The following CSNK1D variants were observed in gnomAD, a reference collection of about 807,000 sequenced individuals.
CSNK1D encodes the protein casein kinase 1 delta.
CSNK1D carries 16 observed loss-of-function variants against 46.6 expected under a neutral mutation model. The ratio of observed to expected loss-of-function variants is 0.34; its 90% confidence interval spans 0.23 to 0.52. CSNK1D has a LOEUF of 0.52. CSNK1D is among the 20% of genes least tolerant of loss of function. The pLI is 0.95. For synonymous variants in CSNK1D, 276 were observed against 228.2 expected (o/e 1.21, Z -1.89); for missense variants, 398 against 578.4 (o/e 0.69, Z 3.20).
chr17:82,268,175 G>A (rs963645004), intron 1 of CSNK1D, among the ~76,000 whole-genome samples: 3 of 152,242 alleles, frequency 2.0e-5, no homozygotes, highest in Non-Finnish European at 2.9e-5. Flanking sequence ...ACTCTCTGGG[G>A]CCTGCAGCAG....
chr17:82,241,799 AG>A (rs1348453661), downstream of CSNK1D, among the ~76,000 whole-genome samples: 1 of 152,180 alleles, frequency 6.6e-6, no homozygotes, highest in African/African-American at 2.4e-5. Flanking sequence ...GAGGAGGCAA[AG>A]TCTGGGCAGG....
rs1376071658 is a variant in CSNK1D at position 82,252,078 on chromosome 17, C to T, written c.736+356G>A. On this transcript the variant is annotated intron_variant, in intron 5 of 8. Coordinates refer to ENST00000314028, the MANE Select transcript of CSNK1D (RefSeq NM_001893.6). This position sits in a 1 kb window ranked among gnomAD's most constrained non-coding sequence, Gnocchi z 4.6. ...GCAATCCTACAAATGCAAAGGAAAT[C>T]TCCCGAGCTCCTGGAGGGGGCCAGA... Among the ~76,000 whole-genome samples the T allele has an allele frequency of 6.6e-6, 1 of 152,188 alleles. No individual in the cohort carries two copies. The highest frequency in any genetic ancestry group is 1.5e-5 in the Non-Finnish European group (1 of 68,020).
rs2050787001 is a variant in CSNK1D, at chr17:82,243,951, C to T, written c.*830G>A. 3 of 985,870 alleles carry T rather than the reference C, an allele frequency of 3.0e-6. No individual in the cohort carries two copies. The highest frequency in any genetic ancestry group is 4.7e-5 in the South Asian group (1 of 21,336). The allele number at this position is 985,870 out of a possible 1,614,324, so 61.1% of individuals were successfully genotyped here. On this transcript the variant is annotated 3_prime_UTR_variant, in exon 9 of 9. Transcript: ENST00000314028. ...GCTTCCAAGCTCTCAGCTGCCTGCC[C>T]ACCTCCTGGGGAAGAAGCGCGCAGT...
rs2051702532 is a variant in CSNK1D, at chr17:82,273,637, A to T, written c.-256T>A. The T allele has an allele frequency of 1.8e-6, 1 of 547,864 alleles. No homozygotes were observed. Among genetic ancestry groups the T allele is most frequent in the Non-Finnish European group, 3.2e-6 (1 of 312,924 alleles). 33.9% of individuals were successfully genotyped at this position (547,864 alleles called of 1,614,324 possible). ...CTTGCCCTCTCCCCGCCGCGGATGG[A>T]CTCGGATCTTCCGGGCCTAAATCCC... On this transcript the variant is annotated 5_prime_UTR_variant, in exon 1 of 9. Transcript: ENST00000314028. The surrounding 1 kb of genome is among the most constrained non-coding windows in gnomAD (Gnocchi z 5.1).
At chr17:82,272,859 G>A (rs1196369732) in intron 1 of CSNK1D, among the ~76,000 whole-genome samples, 2 of 151,938 alleles carry the variant, frequency 1.3e-5, no homozygotes, top group Non-Finnish European at 2.9e-5. Flanking sequence ...GCCGACGCCC[G>A]CTTCGCGGCC....
Position 82,248,475 on chromosome 17 carries a change from A to G in CSNK1D, c.1197+400T>C. 9.2e-7 allele frequency: 1 copy of G among 1,083,134 alleles called. No homozygotes were observed. The highest frequency in any genetic ancestry group is 2.5e-5 in the South Asian group (1 of 39,362). 67.1% of individuals were successfully genotyped at this position (1,083,134 alleles called of 1,614,324 possible). A position where few individuals can be genotyped will look rare whatever the true frequency, so the allele number is the denominator to read the frequency against. On this transcript the variant is annotated intron_variant, in intron 8 of 8. Transcript: ENST00000314028. This position sits in a 1 kb window ranked among gnomAD's most constrained non-coding sequence, Gnocchi z 4.1. ...TCCCTACGGGCCTCCATCCCTGGCC[A>G]GTGGCAAGAATGAGGAAGAATGAGG...
Position 82,250,470 on chromosome 17 carries a change from A to G in CSNK1D, c.886-868T>C, listed in dbSNP as rs1363331426. On this transcript the variant is annotated intron_variant, in intron 6 of 8. Transcript: ENST00000314028. This position sits in a 1 kb window ranked among gnomAD's most constrained non-coding sequence, Gnocchi z 4.6. ...GCTCTGATTCCTCCCGAGGCAGCAC[A>G]GCCCCGGCAGAGGGACTGATCTGCC... 27 of 322,216 alleles carry G rather than the reference A, an allele frequency of 8.4e-5. No homozygotes were observed. In the East Asian group the frequency reaches 2.4e-3, roughly 28 times the overall value. 20.0% of individuals were successfully genotyped at this position (322,216 alleles called of 1,614,324 possible). A position where few individuals can be genotyped will look rare whatever the true frequency, so the allele number is the denominator to read the frequency against.
Position 82,249,070 on chromosome 17 carries a change from G to A in CSNK1D, c.1058-56C>T. The A allele has an allele frequency of 2.0e-6, 3 of 1,537,086 alleles. No individual in the cohort carries two copies. The highest frequency in any genetic ancestry group is 2.6e-6 in the Non-Finnish European group (3 of 1,139,012). Reference sequence around the variant, plus strand: ...GCCCCCGTCTGCTGCCTCTCACTCGGGGCTTTCTATGAGAGGCTGTGGCCA... The same window carrying A: ...GCCCCCGTCTGCTGCCTCTCACTCGAGGCTTTCTATGAGAGGCTGTGGCCA... On this transcript the variant is annotated intron_variant, in intron 7 of 8. Coordinates refer to ENST00000314028, the MANE Select transcript of CSNK1D (RefSeq NM_001893.6). This position sits in a 1 kb window ranked among gnomAD's most constrained non-coding sequence, Gnocchi z 6.7.
chr17:82,264,181 G>A (rs926795134), intron 2 of CSNK1D, among the ~76,000 whole-genome samples: 1 of 152,222 alleles, frequency 6.6e-6, no homozygotes, highest in African/African-American at 2.4e-5. Flanking sequence ...CCCTGAACAG[G>A]TTTTCCTTTG....
Position 82,248,802 on chromosome 17 carries a change from G to A in CSNK1D, c.1197+73C>T, listed in dbSNP as rs1453670053. 1.3e-6 allele frequency: 2 copies of A among 1,558,704 alleles called. No homozygotes were observed. Among genetic ancestry groups the A allele is most frequent in the East Asian group, 2.4e-5 (1 of 42,012 alleles). ...AAGAAAGGAAAGAAGAAGCCCTGGA[G>A]AAACCACAGCCCGCTCTTGACTCGG... On this transcript the variant is annotated intron_variant, in intron 8 of 8. Coordinates refer to ENST00000314028, the MANE Select transcript of CSNK1D (RefSeq NM_001893.6). This position sits in a 1 kb window ranked among gnomAD's most constrained non-coding sequence, Gnocchi z 4.1.
At chr17:82,256,554 A>T (rs2051180123) in intron 2 of CSNK1D, among the ~76,000 whole-genome samples, 1 of 152,010 alleles carries the variant, frequency 6.6e-6, no homozygotes, top group African/African-American at 2.4e-5. Context: ...TGGGTGAAAG[A>T]CCTGGACACT....
chr17:82,248,106 C>A lies in CSNK1D; in HGVS notation c.1197+769G>T. 1.0e-6 allele frequency: 1 copy of A among 985,502 alleles called. No homozygotes were observed. The highest frequency in any genetic ancestry group is 1.2e-6 in the Non-Finnish European group (1 of 829,980). 61.0% of individuals were successfully genotyped at this position (985,502 alleles called of 1,614,324 possible). On this transcript the variant is annotated intron_variant, in intron 8 of 8. Coordinates refer to ENST00000314028, the MANE Select transcript of CSNK1D (RefSeq NM_001893.6). The surrounding 1 kb of genome is among the most constrained non-coding windows in gnomAD (Gnocchi z 4.1). ...CTCATCCGGAAGACCCGTGGGGGAT[C>A]TGGGCACCCCCCAGGATGCCTGCTG... is the stretch of plus-strand genomic sequence containing the variant.
At chr17:82,246,594 G>C (rs1339680135) in intron 8 of CSNK1D, 3 of 1,024,592 alleles carry the variant, frequency 2.9e-6, no homozygotes, top group Non-Finnish European at 3.5e-6. Context: ...CCCGAAAAGA[G>C]AGGGGGCGAA....
rs898066510 is a variant in CSNK1D at position 82,250,406 on chromosome 17, G to A, written c.886-804C>T. On this transcript the variant is annotated intron_variant, in intron 6 of 8. Coordinates refer to ENST00000314028, the MANE Select transcript of CSNK1D (RefSeq NM_001893.6). This position sits in a 1 kb window ranked among gnomAD's most constrained non-coding sequence, Gnocchi z 4.6. ...TTTACGGAAAACGCTGGCCTAGCCTGCTCTGAGGGCCGGGTGACTCTAATG... is the reference window on the plus strand; with the variant it reads ...TTTACGGAAAACGCTGGCCTAGCCTACTCTGAGGGCCGGGTGACTCTAATG... 8.3e-6 allele frequency: 3 copies of A among 363,528 alleles called. No homozygotes were observed. The highest frequency in any genetic ancestry group is 4.3e-5 in the African/African-American group (2 of 46,838). 22.5% of individuals were successfully genotyped at this position (363,528 alleles called of 1,614,324 possible). A position where few individuals can be genotyped will look rare whatever the true frequency, so the allele number is the denominator to read the frequency against.
At chr17:82,260,964 C>T (rs2051325350) in intron 2 of CSNK1D, 1 of 155,000 alleles carries the variant, frequency 6.5e-6, no homozygotes, top group Admixed American at 6.5e-5. Flanking sequence ...CCTTAACCTC[C>T]CGAACTCTAG....
intron 2 of CSNK1D, among the ~76,000 whole-genome samples, chr17:82,262,606 C>G (rs1287222925): frequency 2.6e-5 from 4 of 152,094 alleles, no homozygotes; most frequent in African/African-American, 9.7e-5. Context: ...TCAGAGATAG[C>G]AGGACAATCT....
At chr17:82,247,925 T>A in intron 8 of CSNK1D, 2 of 985,440 alleles carry the variant, frequency 2.0e-6, no homozygotes, top group Non-Finnish European at 2.4e-6. Flanking sequence ...AGACGGCAAG[T>A]GGTCAAGAGT....
chr17:82,247,972 C>T (rs2050893869), intron 8 of CSNK1D: 4 of 985,400 alleles, frequency 4.1e-6, no homozygotes, highest in Non-Finnish European at 4.8e-6. Flanking sequence ...TAGCCAGCTA[C>T]ACCCAGCCCC....
chr17:82,247,188 G>A (rs1251493626), intron 8 of CSNK1D: 2 of 985,356 alleles, frequency 2.0e-6, no homozygotes, highest in East Asian at 1.1e-4. Flanking sequence ...TGCTGTTAGA[G>A]CCCACGTTGT....
Sources: gnomAD v4.1 joint callset for allele counts (sites outside exome capture counted in the v4.1 genomes callset) on GRCh38, gnomAD v4.1.1 for gene constraint, Gnocchi (gnomAD v3.1) non-coding constraint, MANE v1.5 for transcripts, NCBI Gene and HGNC (gene_info 2026-07-23, HGNC 2026-07-21) for gene names.